The following CABIN1 variants were observed in gnomAD, a reference collection of about 807,000 sequenced individuals.
CABIN1 encodes calcineurin-binding protein cabin-1.
Under a neutral mutation model 227.7 loss-of-function variants are expected in CABIN1, and 133 were observed. The observed-to-expected ratio is 0.58, with a 90% CI of 0.51 to 0.67. The LOEUF (loss-of-function observed/expected upper bound fraction) is 0.67, where lower values mean the gene tolerates loss of function less well. Ranked by LOEUF, CABIN1 falls within the 30% of genes least tolerant of loss-of-function variation. The probability of loss-of-function intolerance (pLI) is 0.00; values close to 1 mark genes in which losing one functional copy is unlikely to be tolerated. For synonymous variants in CABIN1, 1,086 were observed against 1,155.1 expected (o/e 0.94, Z 1.21); for missense variants, 2,408 against 2,852.5 (o/e 0.84, Z 3.55).
intron 28 of CABIN1, among the ~76,000 whole-genome samples, chr22:24,123,102 G>A (rs1307660626): frequency 6.6e-6 from 1 of 152,126 alleles, no homozygotes; most frequent in Non-Finnish European, 1.5e-5. Flanking sequence ...TTGGTCATCT[G>A]TGATGGTCCA....
chr22:24,137,623 T>G (rs2044500277), intron 29 of CABIN1, among the ~76,000 whole-genome samples: 1 of 152,254 alleles, frequency 6.6e-6, no homozygotes, highest in Non-Finnish European at 1.5e-5. Context: ...TTACCATCGT[T>G]TGGGGCCTCT....
chr22:24,112,482 C>T (rs563774567), intron 26 of CABIN1, among the ~76,000 whole-genome samples: 213 of 152,284 alleles, frequency 1.4e-3, no homozygotes, highest in Non-Finnish European at 2.3e-3. Context: ...CCACCTTCAG[C>T]CTTAGGCCTT....
intron 26 of CABIN1, among the ~76,000 whole-genome samples, chr22:24,108,059 C>T (rs1225850022): frequency 6.6e-6 from 1 of 152,254 alleles, no homozygotes; most frequent in African/African-American, 2.4e-5. Context: ...GTGAATGCTG[C>T]AGGGCTGTCA....
At chr22:24,029,691 A>T (rs1347900031) in intron 1 of CABIN1, among the ~76,000 whole-genome samples, 1 of 152,190 alleles carries the variant, frequency 6.6e-6, no homozygotes, top group Non-Finnish European at 1.5e-5. Context: ...GTAGCTGAGG[A>T]AGAGTGGTAA....
At chr22:24,018,838 A>G (rs2035491670) in intron 1 of CABIN1, among the ~76,000 whole-genome samples, 1 of 152,132 alleles carries the variant, frequency 6.6e-6, no homozygotes. Flanking sequence ...CATTGAATGT[A>G]TAAATTAACT....
rs576752373 is a variant in CABIN1, at chr22:24,167,424, G to A, written c.5682+111G>A. On this transcript the variant is annotated intron_variant, in intron 32 of 36. Transcript: ENST00000263119. ...GGCCTGCCCTTGGGGCGGGTTTTAG[G>A]TGTTGTTCCCACACCATCCCTGCTG... 2.9e-5 allele frequency: 28 copies of A among 976,912 alleles called. No homozygotes were observed. The African/African-American group carries it at 4.2e-4, about 15-fold the overall frequency. 60.5% of individuals were successfully genotyped at this position (976,912 alleles called of 1,614,324 possible).
intron 23 of CABIN1, among the ~76,000 whole-genome samples, chr22:24,090,297 C>CA (rs1473722121): frequency 1.3e-5 from 2 of 152,142 alleles, no homozygotes; most frequent in African/African-American, 2.4e-5. Flanking sequence ...ACAGGGTGGG[C>CA]AGGGGGGCTA....
intron 31 of CABIN1, 115 bp downstream of exon 31, chr22:24,165,741 G>C: frequency 1.2e-6 from 1 of 839,168 alleles, no homozygotes. Flanking sequence ...TGTGCCTAAG[G>C]GTCCCCATCT....
At chr22:24,062,697 A>G (rs1041682274) in intron 13 of CABIN1, among the ~76,000 whole-genome samples, 2 of 152,054 alleles carry the variant, frequency 1.3e-5, no homozygotes, top group African/African-American at 4.8e-5. Context: ...TGGAATGTAG[A>G]TATACTCAAT....
intron 27 of CABIN1, 112 bp downstream of exon 27, chr22:24,113,860 C>G: frequency 8.8e-7 from 1 of 1,133,676 alleles, no homozygotes; most frequent in Non-Finnish European, 1.3e-6. Flanking sequence ...CACTTACTCC[C>G]TGGGCCTCCA....
chr22:24,147,077 A>G (rs1248150409), intron 29 of CABIN1, among the ~76,000 whole-genome samples: 1 of 152,198 alleles, frequency 6.6e-6, no homozygotes, highest in Non-Finnish European at 1.5e-5. Flanking sequence ...ACCTCAGCCC[A>G]CAGCCCCCTC....
intron 29 of CABIN1, among the ~76,000 whole-genome samples, chr22:24,144,201 G>A (rs1401854117): frequency 2.6e-5 from 4 of 152,214 alleles, no homozygotes; most frequent in African/African-American, 4.8e-5. Context: ...CCACTATGTC[G>A]TTGGAAATTC....
intron 29 of CABIN1, among the ~76,000 whole-genome samples, chr22:24,157,584 C>CA (rs761621659): frequency 1.3e-5 from 2 of 152,128 alleles, no homozygotes; most frequent in Non-Finnish European, 2.9e-5. Context: ...AGGAGCTGGG[C>CA]AGGCAGCCTG....
chr22:24,076,633 C>T (rs2040463295), intron 19 of CABIN1, among the ~76,000 whole-genome samples: 1 of 152,162 alleles, frequency 6.6e-6, no homozygotes, highest in South Asian at 2.1e-4. Context: ...GTAATAACCA[C>T]ATGCACCACC....
At chr22:24,092,017 C>T in intron 24 of CABIN1, 174 bp downstream of exon 24, 2 of 748,426 alleles carry the variant, frequency 2.7e-6, no homozygotes, top group Non-Finnish European at 4.3e-6. Context: ...TCTCTTTTCC[C>T]AAGGGGTGTT....
intron 28 of CABIN1, among the ~76,000 whole-genome samples, chr22:24,132,412 G>A (rs2044131087): frequency 6.6e-6 from 1 of 152,166 alleles, no homozygotes; most frequent in South Asian, 2.1e-4. Flanking sequence ...TGGACCTGCT[G>A]TGGAGCAGGG....
chr22:24,052,135 G>C (rs977946151), intron 8 of CABIN1, among the ~76,000 whole-genome samples: 4 of 152,190 alleles, frequency 2.6e-5, no homozygotes, highest in Admixed American at 2.6e-4. Context: ...AAAGGCCTGA[G>C]AACACTAGAA....
intron 10 of CABIN1, among the ~76,000 whole-genome samples, chr22:24,057,586 A>G (rs1303618065): frequency 6.6e-6 from 1 of 152,248 alleles, no homozygotes; most frequent in Non-Finnish European, 1.5e-5. Context: ...GAGTTAAACT[A>G]TCTAGTTCTT....
chr22:24,086,485 G>A (rs956331913), intron 22 of CABIN1, among the ~76,000 whole-genome samples: 4 of 152,262 alleles, frequency 2.6e-5, no homozygotes, highest in African/African-American at 9.6e-5. Flanking sequence ...CCCAGTGCCA[G>A]GAAAGCACTT....
Sources: gnomAD v4.1 joint callset for allele counts (sites outside exome capture counted in the v4.1 genomes callset) on GRCh38, gnomAD v4.1.1 for gene constraint, MANE v1.5 for transcripts, NCBI Gene and HGNC (gene_info 2026-07-23, HGNC 2026-07-21) for gene names.